SKAP1: variants seen among roughly 807,000 people sequenced by gnomAD.
The protein encoded by SKAP1 is src kinase associated phosphoprotein 1.
A neutral mutation model predicts 58.5 loss-of-function variants in SKAP1; 44 were observed. The observed-to-expected ratio is 0.75, with a 90% CI of 0.59 to 0.97. The LOEUF is 0.97. Among genes scored for constraint, SKAP1 ranks in the 50% least tolerant of loss-of-function variants. The pLI is 0.00. For missense variants in SKAP1, 390 were observed against 435.2 expected, an observed-to-expected ratio of 0.90 and a Z score of 0.92; for synonymous variants, 127 against 149.7, an observed-to-expected ratio of 0.85 and a Z score of 1.11.
intron 4 of SKAP1, among the ~76,000 whole-genome samples, chr17:48,243,916 C>A (rs879808841): frequency 1.4e-4 from 21 of 152,052 alleles, no homozygotes; most frequent in Non-Finnish European, 2.2e-4. Flanking sequence ...GCAGATATGG[C>A]ACCTGTTGGT....
intron 4 of SKAP1, among the ~76,000 whole-genome samples, chr17:48,220,113 A>C (rs2064984295): frequency 1.3e-5 from 2 of 152,218 alleles, no homozygotes; most frequent in African/African-American, 4.8e-5. Context: ...TAAAAATGGT[A>C]CAAGTCTGTT....
chr17:48,413,439 G>C (rs1383455669), intron 1 of SKAP1, among the ~76,000 whole-genome samples: 5 of 149,408 alleles, frequency 3.3e-5, no homozygotes, highest in African/African-American at 1.0e-4. Context: ...GCTTGAACCT[G>C]GGAGGTGGAG....
At chr17:48,205,295 G>A (rs2064795861) in intron 4 of SKAP1, among the ~76,000 whole-genome samples, 1 of 151,648 alleles carries the variant, frequency 6.6e-6, no homozygotes, top group African/African-American at 2.4e-5. Context: ...TTTTTTGGTC[G>A]AGACAGGGTT....
chr17:48,200,329 A>G, intron 4 of SKAP1, among the ~76,000 whole-genome samples: 1 of 151,994 alleles, frequency 6.6e-6, no homozygotes, highest in South Asian at 2.1e-4. Flanking sequence ...GAGGAACTGG[A>G]ACATGTGAAT....
chr17:48,169,409 G>C (rs1445073968), intron 10 of SKAP1, among the ~76,000 whole-genome samples: 3 of 152,148 alleles, frequency 2.0e-5, no homozygotes, highest in Non-Finnish European at 4.4e-5. Context: ...AACATGGGCG[G>C]GTCAGAACAG....
At chr17:48,260,923 C>G (rs537141734) in intron 4 of SKAP1, among the ~76,000 whole-genome samples, 1 of 152,276 alleles carries the variant, frequency 6.6e-6, no homozygotes, top group Non-Finnish European at 1.5e-5. Flanking sequence ...GTTCCCCTGC[C>G]TGGAACATTC....
intron 4 of SKAP1, among the ~76,000 whole-genome samples, chr17:48,243,643 T>A (rs764978414): frequency 7.2e-5 from 11 of 152,174 alleles, no homozygotes; most frequent in East Asian, 1.9e-4. Context: ...TCTGTACTAA[T>A]GGGCCTGGAG....
chr17:48,374,458 G>A (rs2067128555), intron 2 of SKAP1, among the ~76,000 whole-genome samples: 1 of 152,138 alleles, frequency 6.6e-6, no homozygotes, highest in South Asian at 2.1e-4. Flanking sequence ...GATAATGGCT[G>A]TCTCCAAACA....
chr17:48,190,533 A>G (rs1343627465), intron 4 of SKAP1, among the ~76,000 whole-genome samples: 3 of 152,194 alleles, frequency 2.0e-5, no homozygotes, highest in Admixed American at 6.5e-5. Context: ...TTCCACCATA[A>G]ACGTAGTCAC....
chr17:48,351,724 G>C lies in SKAP1; in HGVS notation c.179-5718C>G, dbSNP rs547908357. 1.7e-3 allele frequency among the ~76,000 whole-genome samples: 253 copies of C among 152,230 alleles called. 2 individuals carry two copies. Among genetic ancestry groups the C allele is most frequent in the African/African-American group, 5.8e-3 (240 of 41,536 alleles). On this transcript the variant is annotated intron_variant, in intron 3 of 12. Transcript: ENST00000336915. ...TTATGTAATCATGCTAAGAATAACA[G>C]CCTTCTTAAGAACCTTTAGAGATAA...
chr17:48,158,378 C>T (rs2064014406), intron 11 of SKAP1, among the ~76,000 whole-genome samples: 3 of 132,866 alleles, frequency 2.3e-5, no homozygotes, highest in Admixed American at 1.6e-4. Context: ...AACCCCGTCT[C>T]TATTAAAAAT....
At chr17:48,253,345 A>G (rs2065388599) in intron 4 of SKAP1, among the ~76,000 whole-genome samples, 1 of 152,116 alleles carries the variant, frequency 6.6e-6, no homozygotes, top group African/African-American at 2.4e-5. Context: ...ATTAAGAAGC[A>G]AGGGGAAGGA....
chr17:48,165,544 G>T (rs2064128512), intron 10 of SKAP1, among the ~76,000 whole-genome samples: 1 of 151,946 alleles, frequency 6.6e-6, no homozygotes, highest in Non-Finnish European at 1.5e-5. Context: ...GGGATTACAG[G>T]CACGTGCCAC....
chr17:48,289,967 A>G (rs2065880198), intron 4 of SKAP1, among the ~76,000 whole-genome samples: 1 of 152,168 alleles, frequency 6.6e-6, no homozygotes, highest in South Asian at 2.1e-4. Flanking sequence ...ATTAGTTTAA[A>G]ATCCAGGAGT....
intron 4 of SKAP1, among the ~76,000 whole-genome samples, chr17:48,207,430 G>A (rs775438429): frequency 4.7e-5 from 7 of 149,002 alleles, no homozygotes; most frequent in Non-Finnish European, 8.9e-5. Context: ...ATGTTGCAGT[G>A]AGCTGAGATT....
At chr17:48,152,457 C>T (rs1226624935) in intron 11 of SKAP1, among the ~76,000 whole-genome samples, 1 of 152,172 alleles carries the variant, frequency 6.6e-6, no homozygotes, top group Non-Finnish European at 1.5e-5. Context: ...GTCATCCAGC[C>T]TCTTTGGCAG....
intron 4 of SKAP1, among the ~76,000 whole-genome samples, chr17:48,296,526 C>A (rs2065975349): frequency 6.6e-6 from 1 of 152,038 alleles, no homozygotes; most frequent in Non-Finnish European, 1.5e-5. Flanking sequence ...TTCAAAATAC[C>A]ATATATGCTG....
At chr17:48,259,457 T>A (rs1169958334) in intron 4 of SKAP1, among the ~76,000 whole-genome samples, 1 of 152,158 alleles carries the variant, frequency 6.6e-6, no homozygotes, top group African/African-American at 2.4e-5. Context: ...ATACATTGTT[T>A]TTTAAAATGT....
chr17:48,348,433 G>A (rs935338998), intron 3 of SKAP1, among the ~76,000 whole-genome samples: 1 of 151,678 alleles, frequency 6.6e-6, no homozygotes, highest in African/African-American at 2.4e-5. Flanking sequence ...GATCAGGAAG[G>A]GCTTTTTTTT....
Sources: allele counts gnomAD v4.1 joint callset (sites outside exome capture counted in the v4.1 genomes callset), GRCh38; gene constraint gnomAD v4.1.1; transcripts MANE v1.5; gene names NCBI Gene and HGNC (gene_info 2026-07-23, HGNC 2026-07-21).